SMC4: variants seen among roughly 807,000 people sequenced by gnomAD.
SMC4 encodes the protein structural maintenance of chromosomes protein 4.
Under a neutral mutation model 145.6 loss-of-function variants are expected in SMC4, and 87 were observed. The observed-to-expected ratio is 0.60, with a 90% confidence interval of 0.50 to 0.71. The LOEUF is 0.71. Ranked by LOEUF, SMC4 falls within the 30% of genes least tolerant of loss-of-function variation. The pLI is 0.00. For synonymous variants in SMC4, 558 were observed against 500.7 expected (o/e 1.11, Z -1.53); for missense variants, 1,447 against 1,537.1 (o/e 0.94, Z 0.98).
At chr3:160,430,471 C>A in intron 18 of SMC4, 128 bp from the exon 19 acceptor site, 1 of 855,652 alleles carries the variant, frequency 1.2e-6, no homozygotes, top group Non-Finnish European at 1.8e-6. Flanking sequence ...TTTAGTAAAT[C>A]ATAAACTTAA....
At chr3:160,417,552 T>C in intron 10 of SMC4, 171 bp from the exon 11 acceptor site, 1 of 610,888 alleles carries the variant, frequency 1.6e-6, no homozygotes. Context: ...ACAGTGAATA[T>C]TGACAACTAG....
chr3:160,423,281 C>T (rs1258744194), intron 13 of SMC4, 144 bp from the exon 14 acceptor site: 18 of 612,110 alleles, frequency 2.9e-5, no homozygotes, highest in South Asian at 7.1e-5. Flanking sequence ...AGATGTCTTC[C>T]GTTTAGGTCT....
rs1560020193 is a variant in SMC4, at chr3:160,434,580, T to A, written c.*771T>A. On this transcript the variant is annotated 3_prime_UTR_variant, in exon 24 of 24. Transcript: ENST00000357388. ...GGTTTACCAGGATGTAGTCCCACTG[T>A]TGAGGAGCATCTATTTAGGGGTTAA... is the stretch of plus-strand genomic sequence containing the variant. 1.3e-5 allele frequency: 2 copies of A among 152,192 alleles called. No homozygotes were observed. Among genetic ancestry groups the A allele is most frequent in the African/African-American group, 4.8e-5 (2 of 41,436 alleles). 9.4% of individuals were successfully genotyped at this position (152,192 alleles called of 1,614,324 possible).
At chr3:160,413,348 A>C (rs1716227849) in intron 7 of SMC4, 125 bp from the exon 8 acceptor site, 2 of 896,800 alleles carry the variant, frequency 2.2e-6, no homozygotes, top group Admixed American at 7.3e-5. Context: ...CTCATAGCCT[A>C]GGCAGTCATA....
intron 18 of SMC4, 79 bp downstream of exon 18, chr3:160,429,021 C>T: frequency 8.4e-7 from 1 of 1,191,206 alleles, no homozygotes; most frequent in Non-Finnish European, 1.2e-6. Context: ...TGTAATGTTC[C>T]ATAAAATGTT....
chr3:160,400,328 C>A (rs1427391745), intron 1 of SMC4: 3 of 152,434 alleles, frequency 2.0e-5, no homozygotes, highest in African/African-American at 4.8e-5. Flanking sequence ...CGAAAGCGGG[C>A]GGCGAGTCGC....
chr3:160,430,179 T>TGAGGAGGTAATAAGGGAG (rs1576995344), intron 18 of SMC4, among the ~76,000 whole-genome samples: 2 of 151,574 alleles, frequency 1.3e-5, no homozygotes, highest in Admixed American at 6.6e-5. Context: ...TGCTCAGAGA[T>TGAGGAGGTAATAAGGGAG]AAGGAGGTAA....
At chr3:160,402,289 G>A (rs1344614924) in intron 3 of SMC4, among the ~76,000 whole-genome samples, 196 bp downstream of exon 3, 3 of 151,836 alleles carry the variant, frequency 2.0e-5, no homozygotes, top group Non-Finnish European at 4.4e-5. Context: ...ATTATCTTTT[G>A]TTTATCTGGT....
rs774526607 is a variant in SMC4 at position 160,424,856 on chromosome 3, T to A, written c.2326-11T>A. On this transcript the variant is annotated splice_polypyrimidine_tract_variant and intron_variant, in intron 15 of 23. Transcript: ENST00000357388. ...ATCTGAAATGGCTCTTAGAGAAAAC[T>A]TTCTTTGTAGGTAAACAAAATGGAA... 10 of 1,613,038 alleles carry A rather than the reference T, an allele frequency of 6.2e-6. No individual in the cohort carries two copies. The highest frequency in any genetic ancestry group is 8.5e-6 in the Non-Finnish European group (10 of 1,179,784).
At chr3:160,409,009 G>GCCTTTAAAAAAAAAATGCTCAACTC (rs1715656500) in intron 5 of SMC4, among the ~76,000 whole-genome samples, 2 of 152,020 alleles carry the variant, frequency 1.3e-5, no homozygotes, top group South Asian at 2.1e-4. Flanking sequence ...TAAGACTGCT[G>GCCTTTAAAAAAAAAATGCTCAACTC]TAATCCCAGC....
rs560142584 is a variant in SMC4, at chr3:160,409,947, G to T, written c.688-1973G>T. ...AAAGATTAGCTGGGTGTGGTGGTGT[G>T]CATCTGTAGTCCCGGCTACTTGGGA... On this transcript the variant is annotated intron_variant, in intron 5 of 23. Coordinates refer to ENST00000357388, the MANE Select transcript of SMC4 (RefSeq NM_001002800.3). Among the ~76,000 whole-genome samples the T allele has an allele frequency of 1.2e-4, 18 of 152,208 alleles. No homozygotes were observed. The South Asian group carries it at 3.5e-3, about 30-fold the overall frequency.
chr3:160,406,185 T>C (rs1379163868), intron 5 of SMC4, among the ~76,000 whole-genome samples: 2 of 152,130 alleles, frequency 1.3e-5, no homozygotes, highest in African/African-American at 4.8e-5. Context: ...TCTGAACCTT[T>C]TTATGTGATC....
At chr3:160,412,630 G>A (rs1716135600) in intron 7 of SMC4, 177 bp downstream of exon 7, 4 of 1,188,278 alleles carry the variant, frequency 3.4e-6, no homozygotes, top group East Asian at 9.1e-5. Flanking sequence ...GGGAGGCTAA[G>A]GCAGGAGGAT....
Position 160,433,775 on chromosome 3 carries a change from A to G in SMC4, c.3833A>G (p.Asn1278Ser), listed in dbSNP as rs373792686. 16 of 1,605,318 alleles carry G rather than the reference A, an allele frequency of 1.0e-5. No individual in the cohort carries two copies. In the African/African-American group the frequency reaches 1.9e-4, roughly 19 times the overall value. The change falls in exon 24 of 24, where the codon AAT becomes AGT. Residue 1278 changes from asparagine to serine, a missense_variant. Physicochemically the swap from Asn to Ser is conservative, Grantham distance 46. Coordinates refer to ENST00000357388, the MANE Select transcript of SMC4 (RefSeq NM_001002800.3). Reference protein sequence around the residue: ...TYNITKSVAVNPKEIASKGLC With the variant: ...TYNITKSVAVSPKEIASKGLC ...AACATAACAAAAAGTGTTGCTGTAA[A>G]TCCAAAAGAAATTGCATCTAAGGGA... is the stretch of plus-strand genomic sequence containing the variant.
chr3:160,418,954 G>A (rs1716877022), intron 11 of SMC4, among the ~76,000 whole-genome samples: 1 of 152,060 alleles, frequency 6.6e-6, no homozygotes, highest in Admixed American at 6.6e-5. Context: ...CTAAAATAAA[G>A]CACAGCATAA....
chr3:160,425,966 A>G lies in SMC4; in HGVS notation c.2479-108A>G, dbSNP rs187554282. ...AATGGCACATATCTTTCCTCTTCCT[A>G]TTAGTGTGTGTCTTTTTCTTGAAGA... On this transcript the variant is annotated intron_variant, in intron 16 of 23. Transcript: ENST00000357388. 635 of 802,944 alleles carry G rather than the reference A, an allele frequency of 7.9e-4. 3 individuals carry two copies. In the African/African-American group the frequency reaches 0.01, roughly 13 times the overall value. The allele number at this position is 802,944 out of a possible 1,614,324, so 49.7% of individuals were successfully genotyped here. A position where few individuals can be genotyped will look rare whatever the true frequency, so the allele number is the denominator to read the frequency against.
intron 7 of SMC4, 137 bp from the exon 8 acceptor site, chr3:160,413,336 C>G (rs1716226744): frequency 3.8e-6 from 3 of 798,530 alleles, no homozygotes; most frequent in Non-Finnish European, 5.6e-6. Context: ...GGGGATTTTC[C>G]CCTCATAGCC....
At chr3:160,423,168 G>A (rs541985437) in intron 13 of SMC4, among the ~76,000 whole-genome samples, 2 of 152,248 alleles carry the variant, frequency 1.3e-5, no homozygotes, top group African/African-American at 4.8e-5. Context: ...AAAAAAAGGC[G>A]AGGAAGTAAC....
intron 5 of SMC4, among the ~76,000 whole-genome samples, chr3:160,408,169 TAAAG>T (rs1024418288): frequency 4.7e-4 from 71 of 151,336 alleles, no homozygotes; most frequent in South Asian, 8.3e-4. Context: ...CAAGTAAAAA[TAAAG>T]AGAAGAATAA....
Sources: allele counts gnomAD v4.1 joint callset (sites outside exome capture counted in the v4.1 genomes callset), GRCh38; gene constraint gnomAD v4.1.1; transcripts MANE v1.5; gene names NCBI Gene and HGNC (gene_info 2026-07-23, HGNC 2026-07-21).